Variants in ZNF169 observed in about 807,000 individuals in gnomAD.
The protein encoded by ZNF169 is zinc finger protein 169.
A neutral mutation model predicts 12.0 loss-of-function variants in ZNF169; 11 were observed. The ratio of observed to expected loss-of-function variants is 0.92; its 90% CI spans 0.58 to 1.52. The LOEUF is 1.52. Ranked by LOEUF, ZNF169 falls within the 40% of genes most tolerant of loss-of-function variation. The pLI is 0.00. For synonymous variants in ZNF169, 302 were observed against 286.5 expected, an observed-to-expected ratio of 1.05 and a Z score of -0.55; for missense variants, 722 against 744.0, an observed-to-expected ratio of 0.97 and a Z score of 0.34.
intron 1 of ZNF169, among the ~76,000 whole-genome samples, chr9:94,272,627 A>G (rs1480614613): frequency 4.6e-5 from 7 of 152,166 alleles, no homozygotes; most frequent in African/African-American, 1.2e-4. Flanking sequence ...CCTTCCTTTT[A>G]AAGTCTGAAT....
At chr9:94,278,635 G>A (rs1211467858) in intron 1 of ZNF169, 123 bp from the exon 2 acceptor site, 2 of 542,366 alleles carry the variant, frequency 3.7e-6, no homozygotes, top group African/African-American at 3.9e-5. Flanking sequence ...CTTCACCGAT[G>A]CCCTCTGCAA....
intron 1 of ZNF169, among the ~76,000 whole-genome samples, chr9:94,270,685 TA>T (rs1205059317): frequency 0.015 from 974 of 65,836 alleles, 24 homozygotes; most frequent in African/African-American, 0.042. Flanking sequence ...TAAATATATA[TA>T]AATATATAAT....
chr9:94,288,107 G>T, intron 2 of ZNF169: 1 of 812,682 alleles, frequency 1.2e-6, no homozygotes, highest in Non-Finnish European at 2.2e-6. Context: ...TAGCCAGCCA[G>T]CCCTCATAAC....
At chr9:94,259,518 C>G (rs907210118) in intron 1 of ZNF169, among the ~76,000 whole-genome samples, 173 bp downstream of exon 1, 1 of 152,194 alleles carries the variant, frequency 6.6e-6, no homozygotes, top group Non-Finnish European at 1.5e-5. Flanking sequence ...TGGTCCACCC[C>G]GGAGAGAGGT....
At position 94,301,178 on chromosome 9, in the gene ZNF169, GCCCTGCATTTGCGATGAATGTGGGC is replaced by G. The variant is rs1486087783; in HGVS notation, c.1621_1645del (p.Pro541AlafsTer70). On this transcript the variant is annotated frameshift_variant, in exon 5 of 5. Coordinates refer to ENST00000395395, the MANE Select transcript of ZNF169 (RefSeq NM_194320.4). LOFTEE classifies it low-confidence loss of function (END_TRUNC). ...ACCAAAGGACACACTCAGGAGAGAAGCCCTGCATTTGCGATGAATGTGGGCGCGGCTTTGGCTTTAAGTCTGCCCT... is the reference window on the plus strand; with the variant it reads ...ACCAAAGGACACACTCAGGAGAGAAGGCGGCTTTGGCTTTAAGTCTGCCCT... The G allele has an allele frequency of 6.2e-7, 1 of 1,614,244 alleles. No individual in the cohort carries two copies. The highest frequency in any genetic ancestry group is 8.5e-7 in the Non-Finnish European group (1 of 1,180,050).
At chr9:94,277,553 G>C (rs184057838) in intron 1 of ZNF169, among the ~76,000 whole-genome samples, 1 of 152,170 alleles carries the variant, frequency 6.6e-6, no homozygotes, top group East Asian at 1.9e-4. Context: ...TGATATACAG[G>C]GTTAAATAAA....
At chr9:94,294,013 G>C (rs1830899938) in intron 4 of ZNF169, 1 of 152,144 alleles carries the variant, frequency 6.6e-6, no homozygotes, top group East Asian at 1.9e-4. Flanking sequence ...CACTCATATA[G>C]GGTGTTGTTT....
chr9:94,291,502 A>G (rs576476699), intron 2 of ZNF169, among the ~76,000 whole-genome samples: 1 of 152,366 alleles, frequency 6.6e-6, no homozygotes, highest in South Asian at 2.1e-4. Flanking sequence ...TAAGAGACAT[A>G]CAGATCATTA....
At chr9:94,260,887 C>G (rs1587665078) in intron 1 of ZNF169, among the ~76,000 whole-genome samples, 1 of 137,862 alleles carries the variant, frequency 7.3e-6, no homozygotes, top group Non-Finnish European at 1.5e-5. Flanking sequence ...GTGGAGTGAT[C>G]TCAGCTCACT....
intron 1 of ZNF169, among the ~76,000 whole-genome samples, chr9:94,272,793 G>C (rs1261666900): frequency 2.6e-5 from 4 of 152,038 alleles, no homozygotes; most frequent in African/African-American, 9.7e-5. Flanking sequence ...CCTTCATACT[G>C]TTTTCTGTAG....
chr9:94,277,184 A>G (rs1399656348), intron 1 of ZNF169, among the ~76,000 whole-genome samples: 1 of 152,206 alleles, frequency 6.6e-6, no homozygotes, highest in Non-Finnish European at 1.5e-5. Flanking sequence ...CAATTGGTTG[A>G]GTTTATCTGA....
intron 4 of ZNF169, chr9:94,293,483 C>T: frequency 2.5e-6 from 1 of 401,378 alleles, no homozygotes; most frequent in South Asian, 2.7e-5. Context: ...ATGGCATGAT[C>T]TCGGCTCACT....
At chr9:94,261,127 C>T (rs1302422864) in intron 1 of ZNF169, among the ~76,000 whole-genome samples, 3 of 151,570 alleles carry the variant, frequency 2.0e-5, no homozygotes, top group South Asian at 2.1e-4. Flanking sequence ...CTGCAAACTC[C>T]GCCTCCCGGG....
rs138361295 is a variant in ZNF169 at position 94,292,607 on chromosome 9, TTGTGTGTGTGTGTGTGTG to T, written c.160+157_160+174del. The T allele has an allele frequency of 2.8e-5, 19 of 678,934 alleles. No homozygotes were observed. The Middle Eastern group carries it at 2.6e-3, about 92-fold the overall frequency. 42.1% of individuals were successfully genotyped at this position (678,934 alleles called of 1,614,324 possible). A position where few individuals can be genotyped will look rare whatever the true frequency, so the allele number is the denominator to read the frequency against. ...AGAATGCCTGGCTTTCACAGTGCAG[TTGTGTGTGTGTGTGTGTG>T]TGTGTGTGTGTGTGTGCGCGTGCAC... is the stretch of plus-strand genomic sequence containing the variant. On this transcript the variant is annotated intron_variant, in intron 3 of 4. Transcript: ENST00000395395.
At chr9:94,268,734 C>T (rs920434444) in intron 1 of ZNF169, among the ~76,000 whole-genome samples, 3 of 146,226 alleles carry the variant, frequency 2.1e-5, no homozygotes, top group Non-Finnish European at 1.5e-5. Flanking sequence ...TACAATGAGC[C>T]GAGATCACAC....
intron 1 of ZNF169, among the ~76,000 whole-genome samples, chr9:94,271,718 CAAA>C (rs58733917): frequency 2.0e-4 from 13 of 64,812 alleles, no homozygotes; most frequent in African/African-American, 4.0e-4. Context: ...GACTCTGTCT[CAAA>C]AAAAAAAAAA....
chr9:94,281,589 G>A (rs1830632380), intron 2 of ZNF169, among the ~76,000 whole-genome samples: 1 of 152,170 alleles, frequency 6.6e-6, no homozygotes, highest in Non-Finnish European at 1.5e-5. Flanking sequence ...GAGTGACCAT[G>A]GCCCATGACA....
Position 94,300,733 on chromosome 9 carries a change from A to G in ZNF169, c.1175A>G (p.His392Arg). Residue 392 changes from histidine (H) to arginine (R), a missense_variant, in exon 5 of 5, where the codon CAC (histidine) becomes CGC (arginine). By Grantham distance (29) the His-to-Arg change is conservative (BLOSUM62 0). Transcript: ENST00000395395. ...AGGCAGCAGTCACTCCTCCTTAGTC[A>G]CCAGGTCACACACTCAGGAGAGAAG... ...SFRQQSLLLSHQVTHSGEKPY... is the reference protein window; with the variant it reads ...SFRQQSLLLSRQVTHSGEKPY... 3 of 1,613,656 alleles carry G rather than the reference A, an allele frequency of 1.9e-6. No homozygotes were observed. The highest frequency in any genetic ancestry group is 2.5e-6 in the Non-Finnish European group (3 of 1,179,772).
chr9:94,270,794 AAT>A lies in ZNF169; in HGVS notation c.-55-7962_-55-7961del, dbSNP rs1377248938. Among the ~76,000 whole-genome samples the A allele has an allele frequency of 4.2e-5, 2 of 47,976 alleles. 1 individual carries two copies. The highest frequency in any genetic ancestry group is 8.3e-5 in the Non-Finnish European group (2 of 24,092). 31.5% of individuals were successfully genotyped at this position (47,976 alleles called of 152,430 possible). A position where few individuals can be genotyped will look rare whatever the true frequency, so the allele number is the denominator to read the frequency against. On this transcript the variant is annotated intron_variant, in intron 1 of 4. Transcript: ENST00000395395. The stretch of plus-strand genomic sequence containing the variant: ...GTTATATATTATATAAATATATATA[AAT>A]AATATATATATTATATTATATAAAT...
Sources: gnomAD v4.1 joint callset for allele counts (sites outside exome capture counted in the v4.1 genomes callset) on GRCh38, gnomAD v4.1.1 for gene constraint, MANE v1.5 for transcripts, NCBI Gene and HGNC (gene_info 2026-07-23, HGNC 2026-07-21) for gene names.